The following PRKG1 variants were observed in gnomAD, a reference collection of about 807,000 sequenced individuals.
PRKG1 encodes protein kinase cGMP-dependent 1.
A neutral mutation model predicts 88.1 loss-of-function variants in PRKG1; 35 were observed. The observed-to-expected ratio is 0.40, with a 90% confidence interval of 0.30 to 0.53. PRKG1 has a LOEUF of 0.53. Among genes scored for constraint, PRKG1 ranks in the 20% least tolerant of loss-of-function variants. PRKG1 has a pLI of 0.59. For missense variants in PRKG1, 540 were observed against 839.8 expected (o/e 0.64, Z 4.41); for synonymous variants, 303 against 292.5 (o/e 1.04, Z -0.37).
At chr10:51,896,966 G>A (rs903286676) in intron 4 of PRKG1, among the ~76,000 whole-genome samples, 44 of 152,232 alleles carry the variant, frequency 2.9e-4, no homozygotes, top group African/African-American at 9.1e-4. Flanking sequence ...TGGCCATTGC[G>A]TGATAAGGGC....
chr10:51,648,594 A>G (rs768800916), intron 3 of PRKG1, among the ~76,000 whole-genome samples: 4 of 152,124 alleles, frequency 2.6e-5, no homozygotes, highest in Non-Finnish European at 5.9e-5. Context: ...TTCTCTAATC[A>G]TCTTTTCCTG....
At chr10:52,141,378 G>A (rs906022389) in intron 8 of PRKG1, among the ~76,000 whole-genome samples, 1 of 152,084 alleles carries the variant, frequency 6.6e-6, no homozygotes, top group African/African-American at 2.4e-5. Context: ...CCTCATGTTT[G>A]CCTGGCTTTG....
chr10:51,138,970 C>T (rs1432814623), intron 1 of PRKG1, among the ~76,000 whole-genome samples: 1 of 152,098 alleles, frequency 6.6e-6, no homozygotes, highest in Non-Finnish European at 1.5e-5. Context: ...GCATGAGCCA[C>T]TCCGCCCGGC....
intron 3 of PRKG1, among the ~76,000 whole-genome samples, chr10:51,722,859 T>C (rs1842045985): frequency 6.6e-6 from 1 of 152,198 alleles, no homozygotes; most frequent in African/African-American, 2.4e-5. Context: ...AAATGTTAAA[T>C]CTCAGTCTCG....
intron 2 of PRKG1, among the ~76,000 whole-genome samples, chr10:51,202,599 T>C (rs1414298140): frequency 6.6e-6 from 1 of 152,242 alleles, no homozygotes; most frequent in African/African-American, 2.4e-5. Flanking sequence ...CAGTGGAATA[T>C]GTTTGTAAAT....
At chr10:51,206,584 C>T (rs751204088) in intron 2 of PRKG1, among the ~76,000 whole-genome samples, 2 of 152,010 alleles carry the variant, frequency 1.3e-5, no homozygotes, top group Non-Finnish European at 2.9e-5. Flanking sequence ...CAAACATACA[C>T]TTCCAAAAGA....
At chr10:51,576,831 A>G (rs1837901577) in intron 3 of PRKG1, among the ~76,000 whole-genome samples, 2 of 151,552 alleles carry the variant, frequency 1.3e-5, no homozygotes, top group African/African-American at 4.8e-5. Flanking sequence ...TTCATTTTCT[A>G]TTGTCATTTG....
chr10:52,045,246 A>G (rs958495913), intron 5 of PRKG1, among the ~76,000 whole-genome samples: 3 of 152,070 alleles, frequency 2.0e-5, no homozygotes, highest in East Asian at 1.9e-4. Flanking sequence ...TATCCCCACA[A>G]TATCTGTCCT....
intron 1 of PRKG1, among the ~76,000 whole-genome samples, chr10:51,000,800 G>A (rs947544005): frequency 2.0e-5 from 3 of 152,078 alleles, no homozygotes; most frequent in Non-Finnish European, 4.4e-5. Flanking sequence ...GTCAATAAGG[G>A]TACACAAGAA....
At chr10:52,066,705 A>C (rs764920335) in intron 7 of PRKG1, among the ~76,000 whole-genome samples, 1 of 152,216 alleles carries the variant, frequency 6.6e-6, no homozygotes, top group Non-Finnish European at 1.5e-5. Context: ...CTGCTCTGTA[A>C]GAATGTAACC....
intron 3 of PRKG1, among the ~76,000 whole-genome samples, chr10:51,515,026 A>G (rs1841536448): frequency 6.6e-6 from 1 of 152,182 alleles, no homozygotes; most frequent in South Asian, 2.1e-4. Flanking sequence ...TGTGACAAGT[A>G]AAGTTGTCTC....
intron 1 of PRKG1, among the ~76,000 whole-genome samples, chr10:51,078,112 C>A (rs965899815): frequency 6.6e-6 from 1 of 152,158 alleles, no homozygotes; most frequent in Admixed American, 6.5e-5. Context: ...GGGTTTCAGT[C>A]ATTTCAGTTG....
intron 2 of PRKG1, among the ~76,000 whole-genome samples, chr10:51,437,970 A>G (rs1188067680): frequency 6.6e-6 from 1 of 151,662 alleles, no homozygotes; most frequent in Non-Finnish European, 1.5e-5. Flanking sequence ...CTTGCTCTAG[A>G]TTAAAAACAT....
chr10:51,339,212 C>T (rs1299876243), intron 2 of PRKG1, among the ~76,000 whole-genome samples: 1 of 152,004 alleles, frequency 6.6e-6, no homozygotes, highest in African/African-American at 2.4e-5. Context: ...CTTAAAGGCT[C>T]AAGTTGTTTG....
chr10:51,252,315 A>G (rs1839447592), intron 2 of PRKG1, among the ~76,000 whole-genome samples: 1 of 151,832 alleles, frequency 6.6e-6, no homozygotes, highest in African/African-American at 2.4e-5. Context: ...TGTCTTTACT[A>G]TAAATACATA....
intron 2 of PRKG1, among the ~76,000 whole-genome samples, chr10:51,180,080 G>A (rs569726762): frequency 6.6e-6 from 1 of 152,280 alleles, no homozygotes; most frequent in East Asian, 1.9e-4. Flanking sequence ...AATTGACAAG[G>A]TTTTAATGTG....
chr10:51,666,108 A>G (rs1394051098), intron 3 of PRKG1, among the ~76,000 whole-genome samples: 2 of 152,192 alleles, frequency 1.3e-5, no homozygotes, highest in African/African-American at 2.4e-5. Flanking sequence ...TTATGTTTGT[A>G]TGTACCATAT....
intron 1 of PRKG1, among the ~76,000 whole-genome samples, chr10:51,003,980 C>T (rs1173790465): frequency 6.6e-6 from 1 of 152,060 alleles, no homozygotes; most frequent in African/African-American, 2.4e-5. Context: ...AAGTTTTTTG[C>T]AAGCATTCAA....
chr10:51,918,278 C>A (rs1564707953), intron 5 of PRKG1, among the ~76,000 whole-genome samples: 1 of 152,100 alleles, frequency 6.6e-6, no homozygotes, highest in Non-Finnish European at 1.5e-5. Flanking sequence ...TCTCCCACCC[C>A]TGACTCTTTC....
Sources: gnomAD v4.1 joint callset for allele counts (sites outside exome capture counted in the v4.1 genomes callset) on GRCh38, gnomAD v4.1.1 for gene constraint, MANE v1.5 for transcripts, NCBI Gene and HGNC (gene_info 2026-07-23, HGNC 2026-07-21) for gene names.